Variants in LTBP1 observed in about 807,000 individuals in gnomAD.
The protein encoded by LTBP1 is latent transforming growth factor beta binding protein 1.
Under a neutral mutation model 207.6 loss-of-function variants are expected in LTBP1, and 129 were observed. The ratio of observed to expected loss-of-function variants is 0.62; its 90% CI spans 0.54 to 0.72. LTBP1 has a LOEUF of 0.72. LTBP1 is among the 30% of genes least tolerant of loss of function. LTBP1 has a pLI of 0.00. For missense variants in LTBP1, 2,281 were observed against 2,217.2 expected, an observed-to-expected ratio of 1.03 and a Z score of -0.58; for synonymous variants, 963 against 833.7, an observed-to-expected ratio of 1.16 and a Z score of -2.67.
At chr2:33,027,555 G>A (rs1171150636) in intron 3 of LTBP1, among the ~76,000 whole-genome samples, 2 of 152,180 alleles carry the variant, frequency 1.3e-5, no homozygotes, top group Admixed American at 6.5e-5. Context: ...TCTAGAAGAA[G>A]GCCGGGCGCA....
chr2:33,176,495 G>C (rs1416199534), intron 5 of LTBP1, among the ~76,000 whole-genome samples: 1 of 152,106 alleles, frequency 6.6e-6, no homozygotes, highest in Non-Finnish European at 1.5e-5. Context: ...AAAGTGCTGA[G>C]ATTACAGTCG....
intron 3 of LTBP1, among the ~76,000 whole-genome samples, chr2:33,040,839 C>T (rs143360908): frequency 1.8e-4 from 27 of 152,144 alleles, no homozygotes; most frequent in Non-Finnish European, 3.2e-4. Context: ...TGCTGTGTGG[C>T]GGGGAGGTCT....
chr2:32,977,307 C>T (rs529572042), intron 2 of LTBP1, among the ~76,000 whole-genome samples: 3 of 152,238 alleles, frequency 2.0e-5, no homozygotes, highest in East Asian at 3.9e-4. Context: ...GGCTATGAGC[C>T]GACTGGGAGA....
rs553663730 is a variant in LTBP1 at position 33,306,382 on chromosome 2, C to T, written c.3482-3052C>T. ...GTCAGGAGTTCGAGACCAGCCTGGCCAACATGGTAAAACCCCATCTCTACT... is the reference window on the plus strand; with the variant it reads ...GTCAGGAGTTCGAGACCAGCCTGGCTAACATGGTAAAACCCCATCTCTACT... On this transcript the variant is annotated intron_variant, in intron 22 of 33. Transcript: ENST00000404816. 4.6e-5 allele frequency among the ~76,000 whole-genome samples: 7 copies of T among 151,642 alleles called. No homozygotes were observed. The South Asian group carries it at 1.5e-3, about 32-fold the overall frequency.
intron 26 of LTBP1, among the ~76,000 whole-genome samples, chr2:33,352,996 T>G (rs921656372): frequency 5.3e-4 from 66 of 123,382 alleles, no homozygotes; most frequent in African/African-American, 2.2e-3. Flanking sequence ...TTTTTTTTTT[T>G]GAGACAGAGT....
intron 9 of LTBP1, among the ~76,000 whole-genome samples, chr2:33,236,491 C>T (rs1031923974): frequency 6.6e-6 from 1 of 152,110 alleles, no homozygotes; most frequent in Admixed American, 6.5e-5. Flanking sequence ...AAATTGGGAC[C>T]CATTCCTGTG....
At chr2:32,953,328 TG>T (rs997263653) in intron 2 of LTBP1, among the ~76,000 whole-genome samples, 2 of 152,206 alleles carry the variant, frequency 1.3e-5, no homozygotes, top group Non-Finnish European at 2.9e-5. Flanking sequence ...TTGCCAAACT[TG>T]GGAGTCGAGC....
chr2:33,272,895 A>C (rs1296126651), intron 15 of LTBP1, among the ~76,000 whole-genome samples: 2 of 151,742 alleles, frequency 1.3e-5, no homozygotes, highest in Non-Finnish European at 2.9e-5. Context: ...CTAACCATGG[A>C]CTCCTAAGAC....
intron 5 of LTBP1, among the ~76,000 whole-genome samples, chr2:33,185,062 G>A (rs2087052590): frequency 6.6e-6 from 1 of 152,188 alleles, no homozygotes; most frequent in Non-Finnish European, 1.5e-5. Context: ...TCAGGTAGTT[G>A]ACGGAGGCCA....
At chr2:33,078,961 C>T (rs759489105) in intron 3 of LTBP1, among the ~76,000 whole-genome samples, 2 of 147,506 alleles carry the variant, frequency 1.4e-5, no homozygotes, top group African/African-American at 2.5e-5. Flanking sequence ...CTGCTTCAAG[C>T]GATTCTCCTA....
intron 5 of LTBP1, among the ~76,000 whole-genome samples, chr2:33,153,332 A>G (rs2083691762): frequency 6.6e-6 from 1 of 152,234 alleles, no homozygotes; most frequent in Non-Finnish European, 1.5e-5. Flanking sequence ...TTATAAAATC[A>G]AAGTTCTTAG....
intron 3 of LTBP1, among the ~76,000 whole-genome samples, chr2:33,038,513 G>A (rs921048049): frequency 1.2e-4 from 19 of 152,184 alleles, no homozygotes; most frequent in Non-Finnish European, 2.1e-4. Flanking sequence ...CTCTCTGGTC[G>A]TTCCTGGCCT....
At chr2:32,995,902 C>CT (rs1685194127) in intron 2 of LTBP1, among the ~76,000 whole-genome samples, 1 of 152,178 alleles carries the variant, frequency 6.6e-6, no homozygotes, top group East Asian at 1.9e-4. Flanking sequence ...ATCATTTTCC[C>CT]TGTTTTATAG....
At chr2:33,052,756 T>G (rs922167346) in intron 3 of LTBP1, among the ~76,000 whole-genome samples, 2 of 152,246 alleles carry the variant, frequency 1.3e-5, no homozygotes, top group Non-Finnish European at 2.9e-5. Context: ...TTGTAGTACC[T>G]TAGCCTCATT....
At chr2:33,189,253 T>G (rs1458931625) in intron 7 of LTBP1, among the ~76,000 whole-genome samples, 1 of 152,218 alleles carries the variant, frequency 6.6e-6, no homozygotes, top group East Asian at 1.9e-4. Context: ...TGGAGTGCAG[T>G]GGCACGATCT....
intron 5 of LTBP1, among the ~76,000 whole-genome samples, chr2:33,173,299 G>A (rs373149472): frequency 1.1e-4 from 16 of 151,256 alleles, no homozygotes; most frequent in African/African-American, 2.2e-4. Context: ...TCAAATAGAC[G>A]CAATAAAAAA....
intron 26 of LTBP1, among the ~76,000 whole-genome samples, chr2:33,356,266 G>C (rs2094858426): frequency 6.6e-6 from 1 of 152,208 alleles, no homozygotes; most frequent in African/African-American, 2.4e-5. Flanking sequence ...TCAGCATCTG[G>C]TTGTCAGGAT....
intron 9 of LTBP1, among the ~76,000 whole-genome samples, chr2:33,222,730 T>G (rs1184808849): frequency 6.6e-6 from 1 of 152,180 alleles, no homozygotes; most frequent in Non-Finnish European, 1.5e-5. Context: ...GATTGTCTGG[T>G]ACAGTGTCTA....
intron 3 of LTBP1, among the ~76,000 whole-genome samples, chr2:33,026,551 G>A (rs777377480): frequency 1.3e-5 from 2 of 152,150 alleles, no homozygotes; most frequent in African/African-American, 2.4e-5. Context: ...ATTTTGCAGA[G>A]TATTTTCCAT....
Sources: allele counts gnomAD v4.1 joint callset (sites outside exome capture counted in the v4.1 genomes callset), GRCh38; gene constraint gnomAD v4.1.1; transcripts MANE v1.5; gene names NCBI Gene and HGNC (gene_info 2026-07-23, HGNC 2026-07-21).